CEBPZ: variants seen among roughly 807,000 people sequenced by gnomAD.
CEBPZ encodes the protein CCAAT/enhancer-binding protein zeta.
CEBPZ carries 78 observed loss-of-function variants against 104.5 expected under a neutral mutation model. The ratio of observed to expected loss-of-function variants is 0.75; its 90% CI spans 0.62 to 0.90. The LOEUF is 0.90. Among genes scored for constraint, CEBPZ ranks in the 40% least tolerant of loss-of-function variants. CEBPZ has a pLI of 0.00. For missense variants in CEBPZ, 1,439 were observed against 1,233.5 expected, an observed-to-expected ratio of 1.17 and a Z score of -2.50; for synonymous variants, 470 against 427.0, an observed-to-expected ratio of 1.10 and a Z score of -1.24.
intron 5 of CEBPZ, among the ~76,000 whole-genome samples, chr2:37,218,584 T>G (rs540854957): frequency 3.9e-5 from 6 of 152,196 alleles, no homozygotes; most frequent in Non-Finnish European, 8.8e-5. Context: ...TGGTCTACTT[T>G]GAATCAATCA....
At chr2:37,208,728 G>A (rs1677620123) in intron 13 of CEBPZ, 1 of 152,044 alleles carries the variant, frequency 6.6e-6, no homozygotes, top group Admixed American at 6.5e-5. Flanking sequence ...CCTGAGAACT[G>A]GAACAAGACA....
intron 10 of CEBPZ, chr2:37,213,654 T>A (rs1000098043): frequency 2.1e-5 from 9 of 431,560 alleles, no homozygotes; most frequent in Non-Finnish European, 3.7e-5. Context: ...CCTCAAACAA[T>A]CTTCCTGCCT....
At position 37,214,928 on chromosome 2, in the gene CEBPZ, T is replaced by C; in HGVS notation, c.2405A>G (p.Lys802Arg). The part of the protein sequence containing the change: ...LPVNSKEFLA[K>R]EESQIPVDEV... ...ATCCACTGGTATTTGGCTTTCTTCTTTTGCAAGGAACTCCTTACTGTTCAC... is the reference window on the plus strand; with the variant it reads ...ATCCACTGGTATTTGGCTTTCTTCTCTTGCAAGGAACTCCTTACTGTTCAC... The change falls in exon 9 of 16, where the codon AAA (lysine) becomes AGA (arginine). Residue 802 changes from lysine to arginine, a missense_variant. Coordinates refer to ENST00000234170, the MANE Select transcript of CEBPZ (RefSeq NM_005760.3). The C allele has an allele frequency of 6.2e-7, 1 of 1,609,924 alleles. No individual in the cohort carries two copies.
intron 13 of CEBPZ, among the ~76,000 whole-genome samples, chr2:37,207,457 TCACAC>T (rs1677578032): frequency 6.6e-6 from 1 of 152,130 alleles, no homozygotes; most frequent in African/African-American, 2.4e-5. Flanking sequence ...AAGTACCCTC[TCACAC>T]CACAGTGGAA....
chr2:37,212,281 C>T, intron 11 of CEBPZ, 54 bp downstream of exon 11: 2 of 1,505,072 alleles, frequency 1.3e-6, no homozygotes, highest in Admixed American at 1.7e-5. Flanking sequence ...TTCTGAGGGA[C>T]AACAATTTGG....
At chr2:37,212,443 C>T in intron 10 of CEBPZ, 51 bp from the exon 11 acceptor site, 3 of 1,432,520 alleles carry the variant, frequency 2.1e-6, no homozygotes, top group Non-Finnish European at 2.9e-6. Flanking sequence ...ACAAGCTTGA[C>T]ATATATCTTG....
chr2:37,213,799 ATG>A, intron 10 of CEBPZ, 63 bp downstream of exon 10: 1 of 1,060,504 alleles, frequency 9.4e-7, no homozygotes, highest in Non-Finnish European at 1.4e-6. Context: ...TCTCCCACTA[ATG>A]TTCCATGGTC....
chr2:37,222,135 T>C (rs558093629), intron 4 of CEBPZ, among the ~76,000 whole-genome samples: 1 of 152,164 alleles, frequency 6.6e-6, no homozygotes, highest in East Asian at 1.9e-4. Flanking sequence ...AATACAAAAA[T>C]TAGCCAGGTG....
intron 13 of CEBPZ, 65 bp downstream of exon 13, chr2:37,210,934 C>T: frequency 8.2e-7 from 1 of 1,214,436 alleles, no homozygotes; most frequent in East Asian, 2.5e-5. Flanking sequence ...GTTCATTTCC[C>T]AAAATGATAA....
At chr2:37,217,915 A>AAC (rs1664669680) in intron 5 of CEBPZ, among the ~76,000 whole-genome samples, 1 of 134,110 alleles carries the variant, frequency 7.5e-6, no homozygotes, top group African/African-American at 2.6e-5. Context: ...AAAAAAAAAC[A>AAC]AAAAACAAAA....
intron 1 of CEBPZ, among the ~76,000 whole-genome samples, chr2:37,230,063 T>C (rs1490964880): frequency 6.6e-6 from 1 of 152,226 alleles, no homozygotes; most frequent in Non-Finnish European, 1.5e-5. Flanking sequence ...GGTTATTAAC[T>C]GTAGTATTAT....
chr2:37,205,555 C>A (rs933220789), intron 13 of CEBPZ, among the ~76,000 whole-genome samples: 2 of 152,198 alleles, frequency 1.3e-5, no homozygotes, highest in African/African-American at 4.8e-5. Flanking sequence ...CGGACTCAGC[C>A]CGCCTGCACC....
rs771613053 is a variant in CEBPZ at position 37,231,396 on chromosome 2, A to G, written c.156+16T>C. On this transcript the variant is annotated intron_variant, in intron 1 of 15. Transcript: ENST00000234170. The stretch of plus-strand genomic sequence containing the variant: ...CTCCACGCCTGATCCCGTTCCCCGG[A>G]GCCCGCGGCCGTTACCTTGGTGCCT... The G allele has an allele frequency of 2.2e-5, 36 of 1,613,434 alleles. No homozygotes were observed. The highest frequency in any genetic ancestry group is 2.0e-4 in the African/African-American group (15 of 74,890).
In CEBPZ at chr2:37,227,762, A is replaced by G. The variant is rs748830902; in HGVS notation, c.1431T>C (p.Asp477=). The G allele has an allele frequency of 1.2e-6, 2 of 1,613,804 alleles. No homozygotes were observed. The highest frequency in any genetic ancestry group is 1.1e-5 in the South Asian group (1 of 91,012). ...CFFRTCVKKK[D]VESKMLSALL... Reference sequence around the variant, plus strand: ...GGGCGCTAAGCATTTTTGATTCAACATCTTTTTTTTTGACACAAGTCCGAA... The same window carrying G: ...GGGCGCTAAGCATTTTTGATTCAACGTCTTTTTTTTTGACACAAGTCCGAA... The change falls in exon 2 of 16, where the codon GAT becomes GAC. Residue 477 remains aspartate (D), a synonymous_variant. Coordinates refer to ENST00000234170, the MANE Select transcript of CEBPZ (RefSeq NM_005760.3).
rs1021960811 is a variant in CEBPZ at position 37,226,681 on chromosome 2, C to T, written c.1649+863G>A. The stretch of plus-strand genomic sequence containing the variant: ...ATGGCAGGGACTCAAACCCAGGCGG[C>T]GTGGCTTAAGTCTAAGATACGAACC... On this transcript the variant is annotated intron_variant, in intron 2 of 15. Transcript: ENST00000234170. Among the ~76,000 whole-genome samples the T allele has an allele frequency of 4.6e-5, 7 of 152,156 alleles. No homozygotes were observed. In the East Asian group the frequency reaches 9.6e-4, roughly 21 times the overall value.
intron 13 of CEBPZ, chr2:37,208,861 C>T (rs190020797): frequency 5.3e-5 from 8 of 151,972 alleles, no homozygotes; most frequent in East Asian, 3.9e-4. Flanking sequence ...CACTATTCAC[C>T]GATGATATGA....
Position 37,227,724 on chromosome 2 carries a change from AC to A in CEBPZ, c.1468del (p.Val490Ter), listed in dbSNP as rs1280519088. 2 of 1,614,060 alleles carry A rather than the reference AC, an allele frequency of 1.2e-6. No homozygotes were observed. On this transcript the variant is annotated frameshift_variant, in exon 2 of 16. Coordinates refer to ENST00000234170, the MANE Select transcript of CEBPZ (RefSeq NM_005760.3). LOFTEE classifies it high-confidence loss of function. ...SKMLSALLTG[V>X]NRAYPYSQTG... Reference sequence around the variant, plus strand: ...CTGGGAATAAGGGTATGCCCTATTCACACCTGTTAAAAGGGCGCTAAGCATT... The same window carrying A: ...CTGGGAATAAGGGTATGCCCTATTCAACCTGTTAAAAGGGCGCTAAGCATT...
rs1396069610 is a variant in CEBPZ at position 37,211,008 on chromosome 2, A to G, written c.2875T>C (p.Ser959Pro). 6 of 1,609,204 alleles carry G rather than the reference A, an allele frequency of 3.7e-6. No homozygotes were observed. Among genetic ancestry groups the G allele is most frequent in the Non-Finnish European group, 5.1e-6 (6 of 1,177,230 alleles). ...AAATGTATTTTCTTACCTTGAAATG[A>G]GCCAGCAAAGTCAAAATCATCTGTA... is the stretch of plus-strand genomic sequence containing the variant. ...KGTDDFDFAGSFQGPRKKKRN... is the reference protein window; with the variant it reads ...KGTDDFDFAGPFQGPRKKKRN... Residue 959 changes from serine (S) to proline (P), a missense_variant, in exon 13 of 16, where the codon TCA (serine) becomes CCA (proline). Coordinates refer to ENST00000234170, the MANE Select transcript of CEBPZ (RefSeq NM_005760.3).
At position 37,227,778 on chromosome 2, in the gene CEBPZ, C is replaced by A. The variant is rs1664926389; in HGVS notation, c.1415G>T (p.Cys472Phe). ...TGATTCAACATCTTTTTTTTTGACA[C>A]AAGTCCGAAAAAAGCAAAAGTAAAC... ...ITVYFCFFRT[C>F]VKKKDVESKM... The change falls in exon 2 of 16, where the codon TGT (cysteine) becomes TTT (phenylalanine). Residue 472 changes from cysteine to phenylalanine, a missense_variant. Transcript: ENST00000234170. The A allele has an allele frequency of 6.2e-7, 1 of 1,613,402 alleles. No homozygotes were observed. The highest frequency in any genetic ancestry group is 8.5e-7 in the Non-Finnish European group (1 of 1,179,790).
Sources: allele counts gnomAD v4.1 joint callset (sites outside exome capture counted in the v4.1 genomes callset), GRCh38; gene constraint gnomAD v4.1.1; transcripts MANE v1.5; gene names NCBI Gene and HGNC (gene_info 2026-07-23, HGNC 2026-07-21).